The following TMC2 variants were observed in gnomAD, a reference collection of about 807,000 sequenced individuals.
TMC2 encodes the protein transmembrane channel like 2.
TMC2 carries 102 observed loss-of-function variants against 105.9 expected under a neutral mutation model. The observed-to-expected ratio is 0.96, with a 90% confidence interval of 0.82 to 1.14. The LOEUF is 1.14. Among genes scored for constraint, TMC2 ranks in the 50% most tolerant of loss-of-function variants. TMC2 has a pLI of 0.00. For missense variants in TMC2, 1,093 were observed against 1,134.3 expected (o/e 0.96, Z 0.52); for synonymous variants, 402 against 422.8 (o/e 0.95, Z 0.60).
chr20:2,574,075 G>A (rs2086125136), intron 5 of TMC2, among the ~76,000 whole-genome samples: 1 of 152,148 alleles, frequency 6.6e-6, no homozygotes, highest in African/African-American at 2.4e-5. Flanking sequence ...GATGGGAGTT[G>A]ATGGCTTGAA....
intron 1 of TMC2, 122 bp downstream of exon 1, chr20:2,536,777 T>C (rs936104353): frequency 4.0e-5 from 43 of 1,074,174 alleles, no homozygotes; most frequent in Non-Finnish European, 5.3e-5. Context: ...GTCCAGGGCC[T>C]GTCCCCTGTG....
intron 16 of TMC2, among the ~76,000 whole-genome samples, chr20:2,619,629 TG>T (rs1291805658): frequency 6.6e-6 from 1 of 151,484 alleles, no homozygotes; most frequent in African/African-American, 2.4e-5. Context: ...TCCAGCAGGG[TG>T]TGATCTGGAA....
intron 2 of TMC2, among the ~76,000 whole-genome samples, chr20:2,551,426 G>A (rs2085956427): frequency 6.6e-6 from 1 of 150,504 alleles, no homozygotes; most frequent in South Asian, 2.1e-4. Flanking sequence ...TCTCTTCACA[G>A]TGTCTTTTGC....
At chr20:2,599,558 T>A (rs963689421) in intron 10 of TMC2, among the ~76,000 whole-genome samples, 9 of 148,438 alleles carry the variant, frequency 6.1e-5, no homozygotes, top group African/African-American at 2.2e-4. Context: ...TTTTTTTTTT[T>A]TTTTGGAGAC....
At chr20:2,619,526 G>T (rs974311918) in intron 16 of TMC2, among the ~76,000 whole-genome samples, 6 of 152,196 alleles carry the variant, frequency 3.9e-5, no homozygotes, top group Admixed American at 6.5e-5. Flanking sequence ...AACACACTTT[G>T]AGAAATGCTG....
At chr20:2,597,897 A>T (rs536203074) in intron 10 of TMC2, among the ~76,000 whole-genome samples, 115 of 152,270 alleles carry the variant, frequency 7.6e-4, no homozygotes, top group African/African-American at 2.5e-3. Flanking sequence ...GGAAGGACTC[A>T]TTTGGGGAAA....
rs6083756 is a variant in TMC2, at chr20:2,584,323, G to C, written c.834+4267G>C. Among the ~76,000 whole-genome samples the C allele has an allele frequency of 4.9e-3, 654 of 134,292 alleles. 3 individuals carry two copies. Among genetic ancestry groups the C allele is most frequent in the African/African-American group, 0.022 (594 of 27,590 alleles). 88.1% of individuals were successfully genotyped at this position (134,292 alleles called of 152,430 possible). On this transcript the variant is annotated intron_variant, in intron 7 of 19. Coordinates refer to ENST00000358864, the MANE Select transcript of TMC2 (RefSeq NM_080751.3). ...GCCGGGCGTAGTGGCGGGTGCCTGT[G>C]GTCCCAGCTACTTGGGAGGCTGAGG... is the stretch of plus-strand genomic sequence containing the variant.
rs950214785 is a variant in TMC2, at chr20:2,561,950, A to T, written c.494A>T (p.Lys165Met). Residue 165 changes from lysine (K) to methionine (M), a missense_variant, in exon 4 of 20, where the codon AAG (lysine) becomes ATG (methionine). Coordinates refer to ENST00000358864, the MANE Select transcript of TMC2 (RefSeq NM_080751.3). ...CTGGAGCAGGTGGAAGAAAAAAAGA[A>T]GCTCATTGCCACCATGCGGAGCAAG... Reference protein sequence around the residue: ...QILEQVEEKKKLIATMRSKPW... With the variant: ...QILEQVEEKKMLIATMRSKPW... The T allele has an allele frequency of 6.2e-7, 1 of 1,614,108 alleles. No individual in the cohort carries two copies. Among genetic ancestry groups the T allele is most frequent in the Non-Finnish European group, 8.5e-7 (1 of 1,180,036 alleles).
chr20:2,583,448 A>G (rs1343308741), intron 7 of TMC2, among the ~76,000 whole-genome samples: 1 of 150,548 alleles, frequency 6.6e-6, no homozygotes, highest in Admixed American at 6.6e-5. Context: ...CAACCCAGCA[A>G]CAACCACATA....
chr20:2,613,113 A>G, intron 13 of TMC2, 81 bp from the exon 14 acceptor site: 1 of 1,529,808 alleles, frequency 6.5e-7, no homozygotes, highest in Non-Finnish European at 8.8e-7. Flanking sequence ...AGAGTTTATT[A>G]GACTCTCAAC....
chr20:2,544,920 G>T (rs370456052), intron 2 of TMC2, among the ~76,000 whole-genome samples: 38 of 151,866 alleles, frequency 2.5e-4, no homozygotes, highest in African/African-American at 9.0e-4. Flanking sequence ...AATTAGCCAG[G>T]CATGGTGGCG....
At chr20:2,550,422 T>C (rs1469822245) in intron 2 of TMC2, among the ~76,000 whole-genome samples, 1 of 152,194 alleles carries the variant, frequency 6.6e-6, no homozygotes, top group Non-Finnish European at 1.5e-5. Context: ...CCTCACCGAA[T>C]GTTTCTCCTA....
Position 2,610,428 on chromosome 20 carries a change from G to A in TMC2, c.1423G>A (p.Val475Met), listed in dbSNP as rs369460562. The A allele has an allele frequency of 1.2e-5, 19 of 1,611,410 alleles. No homozygotes were observed. Among genetic ancestry groups the A allele is most frequent in the Middle Eastern group, 3.3e-4 (2 of 6,052 alleles). ...SWYERNEVEIVMSLLGMFCPP... is the reference protein window; with the variant it reads ...SWYERNEVEIMMSLLGMFCPP... ...TTTCCTGATTCCTCAGGTAGAGATC[G>A]TGATGTCCCTGCTTGGAATGTTTTG... The change falls in exon 12 of 20, where the codon GTG (valine) becomes ATG (methionine). Residue 475 changes from valine (V) to methionine (M), a missense_variant. Physicochemically the swap from Val to Met is conservative, Grantham distance 21 (BLOSUM62 1). Transcript: ENST00000358864.
chr20:2,548,729 T>A (rs1044623072), intron 2 of TMC2, among the ~76,000 whole-genome samples: 1 of 152,242 alleles, frequency 6.6e-6, no homozygotes, highest in Non-Finnish European at 1.5e-5. Flanking sequence ...TTATAATACC[T>A]AAAAATCTTG....
At chr20:2,578,626 T>C (rs949616078) in intron 5 of TMC2, among the ~76,000 whole-genome samples, 2 of 152,218 alleles carry the variant, frequency 1.3e-5, no homozygotes, top group African/African-American at 4.8e-5. Context: ...GAGGCTGTTG[T>C]TCCCCCAGGA....
Position 2,537,315 on chromosome 20 carries a change from A to C in TMC2, c.81A>C (p.Thr27=). The C allele has an allele frequency of 3.1e-6, 5 of 1,599,586 alleles. No individual in the cohort carries two copies. Among genetic ancestry groups the C allele is most frequent in the Non-Finnish European group, 4.3e-6 (5 of 1,173,220 alleles). ...KGRVKSGSPH[T]GDRLGRRSSS... Reference sequence around the variant, plus strand: ...GGGTGAAGAGCGGCTCTCCACACACAGGTGAGATGGGGTGGTGGGGTCTCT... The same window carrying C: ...GGGTGAAGAGCGGCTCTCCACACACCGGTGAGATGGGGTGGTGGGGTCTCT... Residue 27 remains threonine, a splice_region_variant and synonymous_variant, in exon 2 of 20, where the codon ACA becomes ACC. Transcript: ENST00000358864.
intron 2 of TMC2, among the ~76,000 whole-genome samples, chr20:2,540,834 G>C (rs2085884932): frequency 1.3e-5 from 2 of 152,078 alleles, no homozygotes; most frequent in African/African-American, 4.8e-5. Context: ...CATGTTGCTA[G>C]TGTGACCCTT....
intron 17 of TMC2, among the ~76,000 whole-genome samples, chr20:2,628,997 G>A (rs1805386240): frequency 6.6e-6 from 1 of 151,420 alleles, no homozygotes; most frequent in Non-Finnish European, 1.5e-5. Flanking sequence ...AGCTACTCGG[G>A]AGGCTGAGGC....
intron 4 of TMC2, among the ~76,000 whole-genome samples, chr20:2,571,780 G>C (rs2086104936): frequency 6.6e-6 from 1 of 152,220 alleles, no homozygotes; most frequent in African/African-American, 2.4e-5. Flanking sequence ...GCAGGTGACT[G>C]CTTGAGCTCA....
Sources: allele counts gnomAD v4.1 joint callset (sites outside exome capture counted in the v4.1 genomes callset), GRCh38; gene constraint gnomAD v4.1.1; transcripts MANE v1.5; gene names NCBI Gene and HGNC (gene_info 2026-07-23, HGNC 2026-07-21).